The following RABGAP1L variants were observed in gnomAD, a reference collection of about 807,000 sequenced individuals.
The protein encoded by RABGAP1L is rab GTPase-activating protein 1-like.
RABGAP1L carries 63 observed loss-of-function variants against 137.7 expected under a neutral mutation model. That is an observed-to-expected ratio of 0.46 (90% CI 0.37 to 0.56). The LOEUF (loss-of-function observed/expected upper bound fraction) is 0.56, where lower values mean the gene tolerates loss of function less well. Among genes scored for constraint, RABGAP1L ranks in the 20% least tolerant of loss-of-function variants. RABGAP1L has a pLI of 0.00. For missense variants in RABGAP1L, 1,095 were observed against 1,244.0 expected, an observed-to-expected ratio of 0.88 and a Z score of 1.80; for synonymous variants, 431 against 433.7, an observed-to-expected ratio of 0.99 and a Z score of 0.08.
rs188986199 is a variant in RABGAP1L, at chr1:174,281,645, A to G, written c.1323+2866A>G. 5.3e-4 allele frequency among the ~76,000 whole-genome samples: 81 copies of G among 152,356 alleles called. 1 individual carries two copies. The highest frequency in any genetic ancestry group is 1.9e-3 in the Admixed American group (29 of 15,300). ...GAGAACTAGAAAGACTGGGAAGCAC[A>G]GTAGCTGATGATGAAAGGCAAGTAG... On this transcript the variant is annotated intron_variant, in intron 10 of 25. Coordinates refer to ENST00000681986, the MANE Select transcript of RABGAP1L (RefSeq NM_001366446.1).
chr1:174,203,017 C>A (rs1002681664), intron 1 of RABGAP1L, among the ~76,000 whole-genome samples: 1 of 151,994 alleles, frequency 6.6e-6, no homozygotes, highest in African/African-American at 2.4e-5. Flanking sequence ...TAATTAGATC[C>A]CACTTGTCCT....
chr1:174,849,218 G>A (rs531467043), intron 19 of RABGAP1L, among the ~76,000 whole-genome samples: 4 of 152,214 alleles, frequency 2.6e-5, no homozygotes, highest in African/African-American at 4.8e-5. Flanking sequence ...GCTGTAGACC[G>A]GAGCTGTTCC....
At chr1:174,855,102 C>T (rs914194264) in intron 19 of RABGAP1L, among the ~76,000 whole-genome samples, 1 of 151,980 alleles carries the variant, frequency 6.6e-6, no homozygotes, top group Non-Finnish European at 1.5e-5. Context: ...GTTAGATTTT[C>T]CCTATGATAT....
At chr1:174,195,315 T>A (rs762456625) in intron 1 of RABGAP1L, among the ~76,000 whole-genome samples, 1 of 152,218 alleles carries the variant, frequency 6.6e-6, no homozygotes, top group Non-Finnish European at 1.5e-5. Context: ...ATAATCTTTT[T>A]TGATTTCTTG....
chr1:174,624,205 A>G (rs1387452145), intron 13 of RABGAP1L, among the ~76,000 whole-genome samples: 2 of 151,972 alleles, frequency 1.3e-5, no homozygotes, highest in Non-Finnish European at 2.9e-5. Flanking sequence ...TAATATATTC[A>G]CTCATGATCT....
In RABGAP1L at chr1:174,470,814, T is replaced by C. The variant is rs116550726; in HGVS notation, c.1710+76669T>C. Among the ~76,000 whole-genome samples the C allele has an allele frequency of 6.8e-3, 1,031 of 152,228 alleles. 18 individuals carry two copies. The highest frequency in any genetic ancestry group is 0.024 in the African/African-American group (994 of 41,538). On this transcript the variant is annotated intron_variant, in intron 13 of 25. Coordinates refer to ENST00000681986, the MANE Select transcript of RABGAP1L (RefSeq NM_001366446.1). ...TAAAAACTAAAATACAGTGTTTAGTTAGAGAACAGACCATACCAATTAATT... is the reference window on the plus strand; with the variant it reads ...TAAAAACTAAAATACAGTGTTTAGTCAGAGAACAGACCATACCAATTAATT...
chr1:174,561,673 G>A (rs1202817842), intron 13 of RABGAP1L, among the ~76,000 whole-genome samples: 2 of 152,126 alleles, frequency 1.3e-5, no homozygotes, highest in East Asian at 1.9e-4. Context: ...ATAGACCAAT[G>A]GAACAGAACA....
chr1:174,741,701 G>A (rs778288358), intron 17 of RABGAP1L, among the ~76,000 whole-genome samples: 4 of 151,626 alleles, frequency 2.6e-5, no homozygotes, highest in African/African-American at 9.7e-5. Context: ...AAGATCAGTT[G>A]GCTGTAACTA....
At chr1:174,431,958 G>T (rs1449753627) in intron 13 of RABGAP1L, among the ~76,000 whole-genome samples, 2 of 151,900 alleles carry the variant, frequency 1.3e-5, no homozygotes, top group South Asian at 2.1e-4. Flanking sequence ...CTTTTTTAAA[G>T]AAATAGTTTC....
intron 13 of RABGAP1L, among the ~76,000 whole-genome samples, chr1:174,572,909 A>G (rs1668090397): frequency 6.6e-6 from 1 of 152,142 alleles, no homozygotes. Context: ...GAATCATAGC[A>G]GAATCATCTC....
intron 11 of RABGAP1L, among the ~76,000 whole-genome samples, chr1:174,314,048 TC>T (rs1679126529): frequency 6.6e-6 from 1 of 152,174 alleles, no homozygotes; most frequent in Non-Finnish European, 1.5e-5. Context: ...TTGGAAGAGT[TC>T]CCTCGTCCTC....
intron 18 of RABGAP1L, among the ~76,000 whole-genome samples, chr1:174,770,052 A>T (rs944206153): frequency 6.6e-6 from 1 of 152,234 alleles, no homozygotes; most frequent in African/African-American, 2.4e-5. Flanking sequence ...AACACCTGAA[A>T]AAAAGAATGA....
At chr1:174,879,154 G>A (rs1405812008) in intron 19 of RABGAP1L, among the ~76,000 whole-genome samples, 1 of 148,684 alleles carries the variant, frequency 6.7e-6, no homozygotes, top group Non-Finnish European at 1.5e-5. Context: ...AGGCTGGAGT[G>A]CAATGGCACG....
At chr1:174,633,067 C>T (rs1486582048) in intron 13 of RABGAP1L, among the ~76,000 whole-genome samples, 9 of 151,916 alleles carry the variant, frequency 5.9e-5, no homozygotes, top group Non-Finnish European at 1.2e-4. Flanking sequence ...AAAGGGTATT[C>T]AATTAGGAAA....
intron 1 of RABGAP1L, among the ~76,000 whole-genome samples, chr1:174,212,652 A>C (rs1178477349): frequency 6.6e-6 from 1 of 152,098 alleles, no homozygotes; most frequent in Admixed American, 6.5e-5. Flanking sequence ...AGAGCAAACC[A>C]AACCCAAAAT....
intron 19 of RABGAP1L, among the ~76,000 whole-genome samples, chr1:174,841,249 A>C (rs188285490): frequency 1.3e-5 from 2 of 152,308 alleles, no homozygotes; most frequent in Admixed American, 1.3e-4. Flanking sequence ...ATTTCAAAGA[A>C]TTTCAAAAGG....
In RABGAP1L at chr1:174,475,000, A is replaced by G. The variant is rs544661824; in HGVS notation, c.1710+80855A>G. ...ATTATGTGTTTTAATGTATGATTGT[A>G]TTAAATGTAATGTATGTTACAATAA... On this transcript the variant is annotated intron_variant, in intron 13 of 25. Coordinates refer to ENST00000681986, the MANE Select transcript of RABGAP1L (RefSeq NM_001366446.1). Among the ~76,000 whole-genome samples the G allele has an allele frequency of 5.9e-5, 9 of 152,256 alleles. 1 individual carries two copies. The South Asian group carries it at 1.9e-3, about 32-fold the overall frequency.
At chr1:174,862,323 A>G (rs978518423) in intron 19 of RABGAP1L, among the ~76,000 whole-genome samples, 1 of 152,026 alleles carries the variant, frequency 6.6e-6, no homozygotes, top group African/African-American at 2.4e-5. Context: ...TTAAGCACAA[A>G]CCCAGGGGTG....
chr1:174,457,997 G>A (rs1019595513), intron 13 of RABGAP1L, among the ~76,000 whole-genome samples: 1 of 152,068 alleles, frequency 6.6e-6, no homozygotes, highest in Non-Finnish European at 1.5e-5. Flanking sequence ...TATTTATCAG[G>A]TTGCTATTGT....
Sources: allele counts gnomAD v4.1 joint callset (sites outside exome capture counted in the v4.1 genomes callset), GRCh38; gene constraint gnomAD v4.1.1; transcripts MANE v1.5; gene names NCBI Gene and HGNC (gene_info 2026-07-23, HGNC 2026-07-21).